The following ERCC8 variants were observed in gnomAD, a reference collection of about 807,000 sequenced individuals.
ERCC8 encodes the protein ERCC excision repair 8, CSA ubiquitin ligase complex subunit.
A neutral mutation model predicts 54.9 loss-of-function variants in ERCC8; 52 were observed. The observed-to-expected ratio is 0.95, with a 90% confidence interval of 0.76 to 1.19. The LOEUF is 1.19. Among genes scored for constraint, ERCC8 ranks in the 50% most tolerant of loss-of-function variants. The probability of loss-of-function intolerance (pLI) is 0.00; values close to 1 mark genes in which losing one functional copy is unlikely to be tolerated. For missense variants in ERCC8, 514 were observed against 466.1 expected, an observed-to-expected ratio of 1.10 and a Z score of -0.95; for synonymous variants, 146 against 157.2, an observed-to-expected ratio of 0.93 and a Z score of 0.53.
chr5:60,910,265 A>C (rs1749219391), intron 4 of ERCC8, among the ~76,000 whole-genome samples: 1 of 152,182 alleles, frequency 6.6e-6, no homozygotes, highest in Admixed American at 6.6e-5. Flanking sequence ...TTTACTTACC[A>C]ATATCACATT....
chr5:60,905,165 G>T (rs999562535), intron 4 of ERCC8, among the ~76,000 whole-genome samples: 1 of 152,112 alleles, frequency 6.6e-6, no homozygotes, highest in Admixed American at 6.6e-5. Flanking sequence ...CTGGTGGGGA[G>T]GGGGCTCAGC....
chr5:60,927,014 T>C (rs765709309), intron 2 of ERCC8, among the ~76,000 whole-genome samples: 17 of 152,216 alleles, frequency 1.1e-4, no homozygotes, highest in Non-Finnish European at 2.4e-4. Context: ...TATGGTTTCA[T>C]GTTTTTATAT....
At chr5:60,877,606 G>T (rs1414938483) in intron 11 of ERCC8, among the ~76,000 whole-genome samples, 2 of 152,164 alleles carry the variant, frequency 1.3e-5, no homozygotes, top group Non-Finnish European at 2.9e-5. Context: ...TTGTAAGTTG[G>T]ATTCCTAGGT....
intron 5 of ERCC8, among the ~76,000 whole-genome samples, chr5:60,904,390 G>A (rs1176740358): frequency 6.6e-6 from 1 of 151,594 alleles, no homozygotes; most frequent in African/African-American, 2.4e-5. Flanking sequence ...ATAAATTGAT[G>A]CTTAATTTGA....
At chr5:60,926,435 T>C (rs947126801) in intron 2 of ERCC8, among the ~76,000 whole-genome samples, 4 of 152,208 alleles carry the variant, frequency 2.6e-5, no homozygotes, top group African/African-American at 9.6e-5. Flanking sequence ...GTAGCATGTA[T>C]TGATTTATAG....
chr5:60,928,677 A>G (rs189169640), intron 2 of ERCC8, among the ~76,000 whole-genome samples, 187 bp downstream of exon 2: 1 of 152,304 alleles, frequency 6.6e-6, no homozygotes, highest in East Asian at 1.9e-4. Flanking sequence ...GGAAATGTTT[A>G]TTTGACAACA....
chr5:60,882,448 G>T (rs889452772), intron 11 of ERCC8, among the ~76,000 whole-genome samples: 1 of 152,190 alleles, frequency 6.6e-6, no homozygotes, highest in Admixed American at 6.5e-5. Context: ...AGGCTGGAGT[G>T]CAGTGGCATG....
intron 7 of ERCC8, among the ~76,000 whole-genome samples, chr5:60,900,991 C>T (rs115483964): frequency 8.0e-4 from 121 of 152,096 alleles, no homozygotes; most frequent in African/African-American, 2.8e-3. Flanking sequence ...TTCAACATCA[C>T]ATTCTGCCAG....
intron 9 of ERCC8, chr5:60,893,634 C>A (rs1176091913): frequency 1.7e-6 from 1 of 573,612 alleles, no homozygotes; most frequent in East Asian, 3.1e-5. Flanking sequence ...CCTATACTTC[C>A]GGCGGGGATC....
intron 6 of ERCC8, chr5:60,903,305 TG>T (rs1417762899): frequency 7.5e-5 from 15 of 199,450 alleles, no homozygotes; most frequent in Non-Finnish European, 1.4e-4. Context: ...TTAAGAACAA[TG>T]TTTACTCATT....
intron 11 of ERCC8, among the ~76,000 whole-genome samples, chr5:60,877,764 A>G (rs1561492836): frequency 6.6e-6 from 1 of 152,102 alleles, no homozygotes; most frequent in Non-Finnish European, 1.5e-5. Flanking sequence ...GCTTAAGGAG[A>G]TTTTGGGCTG....
intron 3 of ERCC8, 47 bp from the exon 4 acceptor site, chr5:60,918,435 T>A: frequency 6.5e-7 from 1 of 1,540,662 alleles, no homozygotes. Context: ...TATGTGAGTT[T>A]CAAAACTGGT....
chr5:60,915,406 C>G (rs769518632), intron 4 of ERCC8: 3 of 151,992 alleles, frequency 2.0e-5, no homozygotes, highest in Non-Finnish European at 4.4e-5. Flanking sequence ...AAACATAAAG[C>G]TTGTCTGCTA....
intron 7 of ERCC8, among the ~76,000 whole-genome samples, chr5:60,900,281 C>T (rs889561036): frequency 2.0e-5 from 3 of 151,824 alleles, no homozygotes; most frequent in African/African-American, 7.2e-5. Flanking sequence ...TTAATGTCTC[C>T]TAGAAATTAG....
intron 2 of ERCC8, chr5:60,924,244 T>C (rs1749686529): frequency 6.6e-6 from 1 of 152,562 alleles, no homozygotes; most frequent in Non-Finnish European, 1.5e-5. Context: ...ATCCATCAAT[T>C]TATACATTTA....
intron 9 of ERCC8, among the ~76,000 whole-genome samples, chr5:60,895,169 CAAAAA>C (rs5868257): frequency 3.3e-5 from 3 of 90,814 alleles, no homozygotes; most frequent in Non-Finnish European, 4.4e-5. Context: ...GACTCTACCT[CAAAAA>C]AAAAAAAAAA....
chr5:60,881,831 G>C (rs1748242265), intron 11 of ERCC8, among the ~76,000 whole-genome samples: 2 of 152,162 alleles, frequency 1.3e-5, no homozygotes, highest in South Asian at 4.1e-4. Context: ...GCCTCACCCT[G>C]CTTTGGCTCA....
intron 1 of ERCC8, among the ~76,000 whole-genome samples, chr5:60,933,175 A>G (rs1024223048): frequency 7.1e-6 from 1 of 141,400 alleles, no homozygotes; most frequent in Non-Finnish European, 1.6e-5. Flanking sequence ...GATGTATATT[A>G]TATGTATGTA....
intron 9 of ERCC8, among the ~76,000 whole-genome samples, chr5:60,896,139 C>T (rs562778817): frequency 6.6e-6 from 1 of 151,744 alleles, no homozygotes; most frequent in Non-Finnish European, 1.5e-5. Context: ...GCATGCGCCA[C>T]CATGCCCGGC....
Sources: gnomAD v4.1 joint callset for allele counts (sites outside exome capture counted in the v4.1 genomes callset) on GRCh38, gnomAD v4.1.1 for gene constraint, MANE v1.5 for transcripts, NCBI Gene and HGNC (gene_info 2026-07-23, HGNC 2026-07-21) for gene names.